The following PRDM16 variants were observed in gnomAD, a reference collection of about 807,000 sequenced individuals.
The protein encoded by PRDM16 is PR/SET domain 16, also known as histone-lysine N-methyltransferase PRDM16.
A neutral mutation model predicts 110.6 loss-of-function variants in PRDM16; 23 were observed. The ratio of observed to expected loss-of-function variants is 0.21; its 90% CI spans 0.15 to 0.29. PRDM16 has a LOEUF of 0.29. Ranked by LOEUF, PRDM16 falls within the 10% of genes least tolerant of loss-of-function variation. The probability of loss-of-function intolerance (pLI) is 1.00; values close to 1 mark genes in which losing one functional copy is unlikely to be tolerated. For synonymous variants in PRDM16, 799 were observed against 781.8 expected (o/e 1.02, Z -0.37); for missense variants, 1,615 against 1,794.3 (o/e 0.90, Z 1.81).
At chr1:3,345,480 G>A (rs1642342579) in intron 3 of PRDM16, among the ~76,000 whole-genome samples, 1 of 152,158 alleles carries the variant, frequency 6.6e-6, no homozygotes, top group African/African-American at 2.4e-5. Context: ...CATAGCCCTA[G>A]GAAGTGGCTA....
rs142882647 is a variant in PRDM16 at position 3,116,255 on chromosome 1, C to T, written c.37+46959C>T. On this transcript the variant is annotated intron_variant, in intron 1 of 16. Transcript: ENST00000270722. ...GCACCCGTGTCTCTGCAGTGTGTCCCTCTCATGGGGGGACAGTAGGCAGAG... is the reference window on the plus strand; with the variant it reads ...GCACCCGTGTCTCTGCAGTGTGTCCTTCTCATGGGGGGACAGTAGGCAGAG... Among the ~76,000 whole-genome samples, 1,349 of 152,258 alleles carry T rather than the reference C, an allele frequency of 8.9e-3. 17 individuals are homozygous for T. The highest frequency in any genetic ancestry group is 0.029 in the African/African-American group (1,201 of 41,552).
intron 2 of PRDM16, among the ~76,000 whole-genome samples, chr1:3,225,150 G>T (rs1162458787): frequency 7.4e-6 from 1 of 135,432 alleles, no homozygotes; most frequent in Non-Finnish European, 1.5e-5. Flanking sequence ...ATGGCTTTTA[G>T]CTTGGAAGGA....
In PRDM16 at chr1:3,213,782, C is replaced by G. The variant is rs1638956338; in HGVS notation, c.387+27308C>G. On this transcript the variant is annotated intron_variant, in intron 2 of 16. Transcript: ENST00000270722. This position sits in a 1 kb window ranked among gnomAD's most constrained non-coding sequence, Gnocchi z 5.3. ...ACGTCCACCCCAGGTCACCTACAAA[C>G]AAGGTCAGCCAGGGCCGTAGACCAA... Among the ~76,000 whole-genome samples the G allele has an allele frequency of 6.6e-6, 1 of 152,132 alleles. No individual in the cohort carries two copies. The highest frequency in any genetic ancestry group is 6.5e-5 in the Admixed American group (1 of 15,290).
At position 3,111,107 on chromosome 1, in the gene PRDM16, C is replaced by T. The variant is rs188767384; in HGVS notation, c.37+41811C>T. Among the ~76,000 whole-genome samples the T allele has an allele frequency of 7.2e-5, 11 of 152,222 alleles. No individual in the cohort carries two copies. In the East Asian group the frequency reaches 1.6e-3, roughly 22 times the overall value. ...AGGTGGGAGGCTCCACGCTGGCTCACGTGCAGGGGCCCAGGGATTCCCAGG... is the reference window on the plus strand; with the variant it reads ...AGGTGGGAGGCTCCACGCTGGCTCATGTGCAGGGGCCCAGGGATTCCCAGG... On this transcript the variant is annotated intron_variant, in intron 1 of 16. Coordinates refer to ENST00000270722, the MANE Select transcript of PRDM16 (RefSeq NM_022114.4).
At chr1:3,223,802 A>G (rs1569873953) in intron 2 of PRDM16, among the ~76,000 whole-genome samples, 2 of 152,250 alleles carry the variant, frequency 1.3e-5, no homozygotes, top group Non-Finnish European at 1.5e-5. Flanking sequence ...GAGAACCGGG[A>G]ATAACCAGAG....
At chr1:3,095,883 G>A (rs568554474) in intron 1 of PRDM16, among the ~76,000 whole-genome samples, 189 of 152,230 alleles carry the variant, frequency 1.2e-3, no homozygotes, top group African/African-American at 4.3e-3. Flanking sequence ...TGCTCAGAGG[G>A]TGGCCTTTGC....
At position 3,195,588 on chromosome 1, in the gene PRDM16, G is replaced by A. The variant is rs140714957; in HGVS notation, c.387+9114G>A. ...TTGCCAATCGCATCCCACACGCCCC[G>A]CCCCCCCTGTCCCAGTGACACCCAG... is the stretch of plus-strand genomic sequence containing the variant. On this transcript the variant is annotated intron_variant, in intron 2 of 16. Transcript: ENST00000270722. 4.6e-3 allele frequency among the ~76,000 whole-genome samples: 658 copies of A among 144,292 alleles called. 6 individuals carry two copies. Among genetic ancestry groups the A allele is most frequent in the African/African-American group, 0.016 (619 of 38,472 alleles). The allele number at this position is 144,292 out of a possible 152,430, so 94.7% of individuals were successfully genotyped here. A position where few individuals can be genotyped will look rare whatever the true frequency, so the allele number is the denominator to read the frequency against.
chr1:3,139,536 C>T (rs1288240854), intron 1 of PRDM16, among the ~76,000 whole-genome samples: 2 of 152,270 alleles, frequency 1.3e-5, no homozygotes, highest in African/African-American at 2.4e-5. Flanking sequence ...AGCAGTGCCG[C>T]ATCCGGGGGT....
chr1:3,218,811 CGGACAAGGT>C (rs1639089050), intron 2 of PRDM16, among the ~76,000 whole-genome samples: 1 of 152,210 alleles, frequency 6.6e-6, no homozygotes. Context: ...GCACGCTCAG[CGGACAAGGT>C]GGACAACCCG....
rs1227032026 is a variant in PRDM16, at chr1:3,243,285, G to A, written c.388-802G>A. Among the ~76,000 whole-genome samples the A allele has an allele frequency of 6.6e-6, 1 of 152,144 alleles. No homozygotes were observed. The highest frequency in any genetic ancestry group is 1.5e-5 in the Non-Finnish European group (1 of 68,038). On this transcript the variant is annotated intron_variant, in intron 2 of 16. Transcript: ENST00000270722. This position sits in a 1 kb window ranked among gnomAD's most constrained non-coding sequence, Gnocchi z 5.5. ...TCTGCCTTAGCTCCATTTCCTTTGAGAAGTTTCCTCCAAAAGCCATGGGGG... is the reference window on the plus strand; with the variant it reads ...TCTGCCTTAGCTCCATTTCCTTTGAAAAGTTTCCTCCAAAAGCCATGGGGG...
chr1:3,257,337 G>A (rs74830522), intron 3 of PRDM16, among the ~76,000 whole-genome samples: 7 of 152,238 alleles, frequency 4.6e-5, no homozygotes, highest in Non-Finnish European at 7.4e-5. Context: ...GCATCAGGCC[G>A]GTGAGTATGA....
intron 12 of PRDM16, among the ~76,000 whole-genome samples, chr1:3,422,834 C>T (rs564511900): frequency 1.4e-3 from 213 of 152,348 alleles, no homozygotes; most frequent in African/African-American, 3.5e-3. Context: ...CAAGCCAGGG[C>T]GCTGCCTGTC....
rs917438272 is a variant in PRDM16, at chr1:3,081,100, C to T, written c.37+11804C>T. ...TGGTTTCATGGCTGGGAATCTGAAC[C>T]GCAGGGCAGAGGCCCCGGAGTCTTA... On this transcript the variant is annotated intron_variant, in intron 1 of 16. Coordinates refer to ENST00000270722, the MANE Select transcript of PRDM16 (RefSeq NM_022114.4). The surrounding 1 kb of genome is among the most constrained non-coding windows in gnomAD (Gnocchi z 4.6). 1.3e-5 allele frequency among the ~76,000 whole-genome samples: 2 copies of T among 152,202 alleles called. No homozygotes were observed. Among genetic ancestry groups the T allele is most frequent in the African/African-American group, 2.4e-5 (1 of 41,456 alleles).
intron 4 of PRDM16, chr1:3,386,539 G>A (rs1022367739): frequency 6.6e-5 from 10 of 152,078 alleles, no homozygotes; most frequent in Non-Finnish European, 1.2e-4. Context: ...CTACTACCAG[G>A]ACTTCCGTGG....
chr1:3,121,778 C>T (rs1170185231), intron 1 of PRDM16, among the ~76,000 whole-genome samples: 4 of 152,312 alleles, frequency 2.6e-5, no homozygotes, highest in South Asian at 2.1e-4. Context: ...TCTGCGGGGC[C>T]GGCCAGGCCT....
At chr1:3,219,067 G>A (rs976676424) in intron 2 of PRDM16, among the ~76,000 whole-genome samples, 1 of 152,218 alleles carries the variant, frequency 6.6e-6, no homozygotes, top group African/African-American at 2.4e-5. Context: ...GCACACTGCC[G>A]CGAGGAGGGC....
intron 1 of PRDM16, among the ~76,000 whole-genome samples, chr1:3,083,401 G>A (rs966539745): frequency 2.0e-5 from 3 of 152,228 alleles, no homozygotes; most frequent in Non-Finnish European, 2.9e-5. Flanking sequence ...GCTGTGTGCC[G>A]GGCGGGCAGA....
chr1:3,117,483 T>C (rs1642987477), intron 1 of PRDM16, among the ~76,000 whole-genome samples: 1 of 152,112 alleles, frequency 6.6e-6, no homozygotes, highest in Admixed American at 6.5e-5. Flanking sequence ...TGGGGAGTGG[T>C]CTAGAGCCTG....
Position 3,175,541 on chromosome 1 carries a change from G to T in PRDM16, c.38-10584G>T, listed in dbSNP as rs1644075010. 6.6e-6 allele frequency among the ~76,000 whole-genome samples: 1 copy of T among 152,020 alleles called. No homozygotes were observed. Among genetic ancestry groups the T allele is most frequent in the African/African-American group, 2.4e-5 (1 of 41,386 alleles). ...TTGGGGGAACATTCTCCAGGTCTCTGACCCACTACACAGCACTCCTCCCTG... is the reference window on the plus strand; with the variant it reads ...TTGGGGGAACATTCTCCAGGTCTCTTACCCACTACACAGCACTCCTCCCTG... On this transcript the variant is annotated intron_variant, in intron 1 of 16. Transcript: ENST00000270722. This position sits in a 1 kb window ranked among gnomAD's most constrained non-coding sequence, Gnocchi z 4.8.
Sources: gnomAD v4.1 joint callset for allele counts (sites outside exome capture counted in the v4.1 genomes callset) on GRCh38, gnomAD v4.1.1 for gene constraint, Gnocchi (gnomAD v3.1) non-coding constraint, MANE v1.5 for transcripts, NCBI Gene and HGNC (gene_info 2026-07-23, HGNC 2026-07-21) for gene names.